Variants in IQCH observed in about 807,000 individuals in gnomAD.
IQCH encodes IQ domain-containing protein H.
In IQCH, 98 loss-of-function variants were observed where a neutral mutation model predicts 117.0. That is an observed-to-expected ratio of 0.84 (90% CI 0.71 to 0.99). The LOEUF is 0.99. IQCH is among the 50% of genes least tolerant of loss of function. The probability of loss-of-function intolerance (pLI) is 0.00; values close to 1 mark genes in which losing one functional copy is unlikely to be tolerated. For missense variants in IQCH, 1,102 were observed against 1,243.8 expected (o/e 0.89, Z 1.72); for synonymous variants, 412 against 448.2 (o/e 0.92, Z 1.02).
At chr15:67,305,782 C>A (rs1163699241) in intron 4 of IQCH, among the ~76,000 whole-genome samples, 1 of 152,108 alleles carries the variant, frequency 6.6e-6, no homozygotes, top group Non-Finnish European at 1.5e-5. Flanking sequence ...CTTTATGAAT[C>A]TGAATGAAGA....
At position 67,411,143 on chromosome 15, in the gene IQCH, TC is replaced by T. The variant is rs2140893597; in HGVS notation, c.2098-5787del. On this transcript the variant is annotated intron_variant, in intron 14 of 20. Transcript: ENST00000335894. The surrounding 1 kb of genome is among the most constrained non-coding windows in gnomAD (Gnocchi z 4.4). ...ATCCTGTGCACACGGAGGCAGCCCT[TC>T]TAAATTCACCCTCAAATTTGGAACC... Among the ~76,000 whole-genome samples, 1 of 152,266 alleles carries T rather than the reference TC, an allele frequency of 6.6e-6. No homozygotes were observed. Among genetic ancestry groups the T allele is most frequent in the East Asian group, 1.9e-4 (1 of 5,164 alleles).
At position 67,386,700 on chromosome 15, in the gene IQCH, A is replaced by G. The variant is rs533889369; in HGVS notation, c.1456+1681A>G. Among the ~76,000 whole-genome samples, 1 of 152,140 alleles carries G rather than the reference A, an allele frequency of 6.6e-6. No homozygotes were observed. Among genetic ancestry groups the G allele is most frequent in the Non-Finnish European group, 1.5e-5 (1 of 68,022 alleles). On this transcript the variant is annotated intron_variant, in intron 11 of 20. Coordinates refer to ENST00000335894, the MANE Select transcript of IQCH (RefSeq NM_001031715.3). The surrounding 1 kb of genome is among the most constrained non-coding windows in gnomAD (Gnocchi z 5.0). ...TCATGGTTCTCAGGTGCAGACCCCA[A>G]TGGCTAGTATTTTCAGTTCCTAGAT...
At chr15:67,361,070 G>C (rs932475467) in intron 8 of IQCH, among the ~76,000 whole-genome samples, 1 of 152,222 alleles carries the variant, frequency 6.6e-6, no homozygotes, top group Non-Finnish European at 1.5e-5. Context: ...AACCGTCATA[G>C]CAGGCAGAAC....
At chr15:67,315,833 T>A (rs1477716197) in intron 4 of IQCH, among the ~76,000 whole-genome samples, 1 of 152,082 alleles carries the variant, frequency 6.6e-6, no homozygotes, top group Non-Finnish European at 1.5e-5. Flanking sequence ...AACACTCCCA[T>A]TTGGGGTAAG....
At chr15:67,280,085 GAGT>G (rs1966290700) in intron 4 of IQCH, among the ~76,000 whole-genome samples, 1 of 152,180 alleles carries the variant, frequency 6.6e-6, no homozygotes, top group African/African-American at 2.4e-5. Context: ...CTTTTTAAAA[GAGT>G]AAAGTAAGAA....
chr15:67,368,001 T>C (rs984673907), intron 8 of IQCH, among the ~76,000 whole-genome samples: 3 of 152,188 alleles, frequency 2.0e-5, no homozygotes, highest in Non-Finnish European at 2.9e-5. Context: ...AAAAACCACA[T>C]TGACTAGGGC....
chr15:67,485,137 G>A (rs971999118), intron 18 of IQCH, among the ~76,000 whole-genome samples: 3 of 152,116 alleles, frequency 2.0e-5, no homozygotes, highest in African/African-American at 7.2e-5. Context: ...CAGGAATAGA[G>A]TTTAAAGACA....
In IQCH at chr15:67,453,406, G is replaced by A. The variant is rs2082581941; in HGVS notation, c.2506-11721G>A. 6.6e-6 allele frequency among the ~76,000 whole-genome samples: 1 copy of A among 152,102 alleles called. No homozygotes were observed. Among genetic ancestry groups the A allele is most frequent in the Non-Finnish European group, 1.5e-5 (1 of 68,012 alleles). On this transcript the variant is annotated intron_variant, in intron 16 of 20. Transcript: ENST00000335894. This position sits in a 1 kb window ranked among gnomAD's most constrained non-coding sequence, Gnocchi z 5.8. ...GGTGACGTACAGATGGGTTTTTGGTGTAGATGTCCTTTCTGTTTGTTAGTT... is the reference window on the plus strand; with the variant it reads ...GGTGACGTACAGATGGGTTTTTGGTATAGATGTCCTTTCTGTTTGTTAGTT...
chr15:67,266,253 A>G (rs1965664153), intron 3 of IQCH, among the ~76,000 whole-genome samples: 1 of 152,164 alleles, frequency 6.6e-6, no homozygotes, highest in South Asian at 2.1e-4. Flanking sequence ...AATTGTATGA[A>G]TAGCACAAAC....
intron 16 of IQCH, among the ~76,000 whole-genome samples, chr15:67,442,938 A>G (rs1476986226): frequency 6.6e-6 from 1 of 151,562 alleles, no homozygotes; most frequent in East Asian, 1.9e-4. Context: ...CTATGCAGCC[A>G]TAAAAAGGAA....
intron 16 of IQCH, among the ~76,000 whole-genome samples, chr15:67,448,303 C>CATGTGTACATA (rs1398385715): frequency 4.0e-5 from 6 of 151,802 alleles, no homozygotes; most frequent in South Asian, 2.1e-4. Flanking sequence ...ATACATGTGC[C>CATGTGTACATA]ATGTTGGTGT....
In IQCH at chr15:67,357,354, C is replaced by G; in HGVS notation, c.647C>G (p.Thr216Ser). 1 of 1,607,198 alleles carries G rather than the reference C, an allele frequency of 6.2e-7. No homozygotes were observed. The highest frequency in any genetic ancestry group is 8.5e-7 in the Non-Finnish European group (1 of 1,173,628). Reference protein sequence around the residue: ...ARKIPTVATFTIPREPPPSPA... With the variant: ...ARKIPTVATFSIPREPPPSPA... Reference sequence around the variant, plus strand: ...CTATCTTCATCCACAGCCACTTTCACTATACCTCGGGAACCACCTCCATCT... The same window carrying G: ...CTATCTTCATCCACAGCCACTTTCAGTATACCTCGGGAACCACCTCCATCT... The change falls in exon 7 of 21, where the codon ACT becomes AGT. Residue 216 changes from threonine to serine, a missense_variant. Around this residue, in one of 2 missense-constraint regions of IQCH, gnomAD observed 452 missense variants for 449.6 expected, o/e 1.01. Coordinates refer to ENST00000335894, the MANE Select transcript of IQCH (RefSeq NM_001031715.3).
intron 18 of IQCH, among the ~76,000 whole-genome samples, chr15:67,489,064 C>T (rs998035502): frequency 4.6e-5 from 7 of 151,050 alleles, no homozygotes; most frequent in African/African-American, 1.7e-4. Flanking sequence ...GACGGAGTCT[C>T]GCTCTGTTGC....
intron 1 of IQCH, among the ~76,000 whole-genome samples, chr15:67,255,696 T>TA (rs1257928700): frequency 6.6e-6 from 1 of 152,272 alleles, no homozygotes; most frequent in Non-Finnish European, 1.5e-5. Flanking sequence ...AAGGTCACTC[T>TA]GTCAGGACTG....
intron 20 of IQCH, among the ~76,000 whole-genome samples, chr15:67,499,902 G>A (rs920864989): frequency 6.6e-6 from 1 of 152,218 alleles, no homozygotes. Context: ...TATATGAAAT[G>A]TGCAGAAGAG....
intron 4 of IQCH, among the ~76,000 whole-genome samples, chr15:67,312,432 G>A (rs972208113): frequency 2.0e-5 from 3 of 152,046 alleles, no homozygotes; most frequent in East Asian, 3.9e-4. Flanking sequence ...TTTCTTTCAC[G>A]CAAAAATCCA....
Position 67,406,934 on chromosome 15 carries a change from A to G in IQCH, c.2097+6629A>G, listed in dbSNP as rs376467921. ...TATTATTATTGTTGTTATTATTACC[A>G]TAAAATTGTATTATAACAAAATACA... On this transcript the variant is annotated intron_variant, in intron 14 of 20. Coordinates refer to ENST00000335894, the MANE Select transcript of IQCH (RefSeq NM_001031715.3). The surrounding 1 kb of genome is among the most constrained non-coding windows in gnomAD (Gnocchi z 4.5). 3.1e-3 allele frequency: 473 copies of G among 152,356 alleles called. 3 individuals are homozygous for G. The highest frequency in any genetic ancestry group is 0.011 in the African/African-American group (456 of 41,592). The allele number at this position is 152,356 out of a possible 1,614,324, so 9.4% of individuals were successfully genotyped here. A position where few individuals can be genotyped will look rare whatever the true frequency, so the allele number is the denominator to read the frequency against.
Position 67,421,373 on chromosome 15 carries a change from C to A in IQCH, c.2301C>A (p.Ile767=). 1.2e-6 allele frequency: 2 copies of A among 1,614,190 alleles called. No homozygotes were observed. Among genetic ancestry groups the A allele is most frequent in the Non-Finnish European group, 1.7e-6 (2 of 1,180,026 alleles). The change falls in exon 16 of 21, where the codon ATC becomes ATA. Residue 767 remains isoleucine (I), a synonymous_variant. Coordinates refer to ENST00000335894, the MANE Select transcript of IQCH (RefSeq NM_001031715.3). ...VDMLIEPNGK[I]SVLSTGDQLH... ...TGCTGATAGAGCCCAACGGGAAAATCAGCGTGCTGTCGACAGGGGACCAGC... is the reference window on the plus strand; with the variant it reads ...TGCTGATAGAGCCCAACGGGAAAATAAGCGTGCTGTCGACAGGGGACCAGC...
rs1228503440 is a variant in IQCH, at chr15:67,384,782, G to A, written c.1373-154G>A. On this transcript the variant is annotated intron_variant, in intron 10 of 20. Transcript: ENST00000335894. The surrounding 1 kb of genome is among the most constrained non-coding windows in gnomAD (Gnocchi z 4.3). ...AATGTTTAATTCCCCCGAGAAACAA[G>A]CACCTCATTCTTCGGGATTGGGTTG... Among the ~76,000 whole-genome samples the A allele has an allele frequency of 1.3e-5, 2 of 151,980 alleles. No homozygotes were observed. The highest frequency in any genetic ancestry group is 2.4e-5 in the African/African-American group (1 of 41,398).
Sources: gnomAD v4.1 joint callset for allele counts (sites outside exome capture counted in the v4.1 genomes callset) on GRCh38, gnomAD v4.1.1 for gene constraint, gnomAD v4.1.1 regional missense constraint, Gnocchi (gnomAD v3.1) non-coding constraint, MANE v1.5 for transcripts, NCBI Gene and HGNC (gene_info 2026-07-23, HGNC 2026-07-21) for gene names.